The following TENM3 variants were observed in gnomAD, a reference collection of about 807,000 sequenced individuals.
TENM3 encodes teneurin-3.
A neutral mutation model predicts 255.1 loss-of-function variants in TENM3; 63 were observed. The ratio of observed to expected loss-of-function variants is 0.25; its 90% CI spans 0.20 to 0.30. The LOEUF is 0.30. TENM3 is among the 10% of genes least tolerant of loss of function. The probability of loss-of-function intolerance (pLI) is 1.00; values close to 1 mark genes in which losing one functional copy is unlikely to be tolerated. For missense variants in TENM3, 2,929 were observed against 3,461.1 expected, an observed-to-expected ratio of 0.85 and a Z score of 3.86; for synonymous variants, 1,306 against 1,322.3, an observed-to-expected ratio of 0.99 and a Z score of 0.27.
intron 3 of TENM3, among the ~76,000 whole-genome samples, chr4:182,537,625 G>A (rs559526140): frequency 2.0e-5 from 3 of 152,176 alleles, no homozygotes; most frequent in South Asian, 2.1e-4. Flanking sequence ...CCATGAAAAC[G>A]TCTTCTGCCC....
At chr4:181,730,065 G>A in the TENM3 span, among the ~76,000 whole-genome samples, 1 of 152,126 alleles carries the variant, frequency 6.6e-6, no homozygotes, top group Non-Finnish European at 1.5e-5. Context: ...GGAGAGGTTG[G>A]GTTTTATGCC....
chr4:182,411,616 A>ACCC (rs1490610402), intron 3 of TENM3, among the ~76,000 whole-genome samples: 1 of 152,202 alleles, frequency 6.6e-6, no homozygotes, highest in African/African-American at 2.4e-5. Context: ...GATGATGCTA[A>ACCC]TGCAAGTGCT....
chr4:182,104,679 T>A, the TENM3 span, among the ~76,000 whole-genome samples: 1 of 151,732 alleles, frequency 6.6e-6, no homozygotes, highest in Non-Finnish European at 1.5e-5. Context: ...GCCTAGCTAA[T>A]TTTTTTGTAT....
the TENM3 span, among the ~76,000 whole-genome samples, chr4:181,828,853 G>C: frequency 2.6e-5 from 4 of 152,276 alleles, no homozygotes; most frequent in Admixed American, 2.6e-4. Context: ...GCCTCCCAAA[G>C]TGCTGGGATT....
At chr4:182,572,742 G>T (rs1407106971) in intron 3 of TENM3, among the ~76,000 whole-genome samples, 1 of 152,178 alleles carries the variant, frequency 6.6e-6, no homozygotes, top group Admixed American at 6.5e-5. Flanking sequence ...AGAAATAGTT[G>T]CTCACAGATT....
At chr4:182,077,489 T>A in the TENM3 span, among the ~76,000 whole-genome samples, 1 of 152,172 alleles carries the variant, frequency 6.6e-6, no homozygotes, top group Non-Finnish European at 1.5e-5. Flanking sequence ...CATCATAAAT[T>A]GAGATGTACT....
At chr4:182,731,751 A>G (rs1291260118) in intron 16 of TENM3, among the ~76,000 whole-genome samples, 2 of 149,106 alleles carry the variant, frequency 1.3e-5, no homozygotes, top group African/African-American at 4.9e-5. Flanking sequence ...TACAGTAGAC[A>G]TTGTTATAGT....
chr4:182,743,332 G>T lies in TENM3; in HGVS notation c.3542G>T (p.Gly1181Val), dbSNP rs1190612157. The part of the protein sequence containing the change: ...KLLAPVALAC[G>V]IDGSLYVGDF... ...CTGGCCCCAGTGGCGCTAGCTTGTG[G>T]GATCGATGGCAGTCTGTACGTAGGC... Residue 1181 changes from glycine to valine, a missense_variant, in exon 19 of 28, where the codon GGG becomes GTG. By Grantham distance (109) the Gly-to-Val change is moderately radical (BLOSUM62 -3). This residue lies in a region of TENM3 where 1,608 missense variants were observed against 1,884.4 expected (regional missense o/e 0.85). Coordinates refer to ENST00000511685, the MANE Select transcript of TENM3 (RefSeq NM_001080477.4). 6.2e-7 allele frequency: 1 copy of T among 1,614,002 alleles called. No homozygotes were observed. The highest frequency in any genetic ancestry group is 8.5e-7 in the Non-Finnish European group (1 of 1,179,878).
chr4:182,800,297 C>T lies in TENM3; in HGVS notation c.8046C>T (p.Ala2682=), dbSNP rs1272344030. 1 of 1,594,264 alleles carries T rather than the reference C, an allele frequency of 6.3e-7. No individual in the cohort carries two copies. Among genetic ancestry groups the T allele is most frequent in the Non-Finnish European group, 8.5e-7 (1 of 1,178,450 alleles). ...CGGTGGAGCAGTACCCCGAGCTGGC[C>T]GACAGCGCCAACAACATCCAGTTCC... The part of the protein sequence containing the change: ...VLSVEQYPEL[A]DSANNIQFLR... Residue 2682 remains alanine (A), a synonymous_variant, in exon 28 of 28, where the codon GCC becomes GCT. Transcript: ENST00000511685.
At chr4:182,682,130 T>G in intron 11 of TENM3, 116 bp downstream of exon 11, 1 of 795,456 alleles carries the variant, frequency 1.3e-6, no homozygotes, top group Non-Finnish European at 2.0e-6. Context: ...AAAGTGATTC[T>G]TTATGGAAAT....
At chr4:182,267,882 G>A (rs1275765797) in intron 1 of TENM3, among the ~76,000 whole-genome samples, 1 of 152,154 alleles carries the variant, frequency 6.6e-6, no homozygotes, top group East Asian at 1.9e-4. Context: ...TGGTACACTT[G>A]TTATTAGATT....
chr4:182,274,008 G>A (rs1333226424), intron 1 of TENM3, among the ~76,000 whole-genome samples: 1 of 152,164 alleles, frequency 6.6e-6, no homozygotes, highest in Non-Finnish European at 1.5e-5. Flanking sequence ...CAATGGACCT[G>A]TTAGAGCAAG....
the TENM3 span, among the ~76,000 whole-genome samples, chr4:181,511,324 C>T: frequency 6.6e-6 from 1 of 152,192 alleles, no homozygotes; most frequent in Non-Finnish European, 1.5e-5. Context: ...CATTTGGAAT[C>T]TTTCTCAGAT....
At chr4:181,476,530 TTC>T in the TENM3 span, among the ~76,000 whole-genome samples, 1 of 152,172 alleles carries the variant, frequency 6.6e-6, no homozygotes, top group Admixed American at 6.5e-5. Flanking sequence ...GCTTTGGAAA[TTC>T]TCTCTTTAGT....
At chr4:182,590,101 TAGTTTA>T (rs1173476720) in intron 3 of TENM3, among the ~76,000 whole-genome samples, 1 of 152,138 alleles carries the variant, frequency 6.6e-6, no homozygotes, top group Non-Finnish European at 1.5e-5. Context: ...ACCATAATGA[TAGTTTA>T]AGTTTCAATC....
At chr4:182,335,391 A>G (rs1367187445) in intron 2 of TENM3, among the ~76,000 whole-genome samples, 1 of 135,364 alleles carries the variant, frequency 7.4e-6, no homozygotes, top group Non-Finnish European at 1.6e-5. Flanking sequence ...GCTGCTCGGG[A>G]GGCTGAGGCA....
intron 12 of TENM3, among the ~76,000 whole-genome samples, chr4:182,699,864 C>T (rs1007426425): frequency 2.2e-4 from 34 of 151,850 alleles, no homozygotes; most frequent in Non-Finnish European, 8.8e-5. Context: ...AAATTACCAC[C>T]GAAACCGAGT....
At chr4:181,968,270 C>T in the TENM3 span, among the ~76,000 whole-genome samples, 1 of 152,134 alleles carries the variant, frequency 6.6e-6, no homozygotes, top group Non-Finnish European at 1.5e-5. Context: ...TCCTTCTTGG[C>T]TTGTGAATTA....
the TENM3 span, among the ~76,000 whole-genome samples, chr4:181,678,690 A>G: frequency 6.6e-6 from 1 of 152,030 alleles, no homozygotes. Flanking sequence ...AAAAATTACC[A>G]AAATTATTTG....
Sources: gnomAD v4.1 joint callset for allele counts (sites outside exome capture counted in the v4.1 genomes callset) on GRCh38, gnomAD v4.1.1 for gene constraint, gnomAD v4.1.1 regional missense constraint, MANE v1.5 for transcripts, NCBI Gene and HGNC (gene_info 2026-07-23, HGNC 2026-07-21) for gene names.